DROSHA: variants seen among roughly 807,000 people sequenced by gnomAD.
The protein encoded by DROSHA is drosha ribonuclease III, also known as ribonuclease 3.
DROSHA carries 56 observed loss-of-function variants against 181.9 expected under a neutral mutation model. The observed-to-expected ratio is 0.31, with a 90% CI of 0.25 to 0.38. The LOEUF is 0.38. DROSHA is among the 10% of genes least tolerant of loss of function. The pLI, the probability that DROSHA is intolerant of heterozygous loss-of-function variation, is 1.00. For synonymous variants in DROSHA, 524 were observed against 591.2 expected (o/e 0.89, Z 1.65); for missense variants, 1,218 against 1,743.5 (o/e 0.70, Z 5.37).
intron 10 of DROSHA, among the ~76,000 whole-genome samples, chr5:31,507,829 G>A (rs956029159): frequency 1.3e-5 from 2 of 152,068 alleles, no homozygotes; most frequent in Non-Finnish European, 2.9e-5. Context: ...AAAATGCATT[G>A]GCAGTTCTGC....
At position 31,409,384 on chromosome 5, in the gene DROSHA, G is replaced by A. The variant is rs1741027909; in HGVS notation, c.3668-52C>T. 1 of 1,532,038 alleles carries A rather than the reference G, an allele frequency of 6.5e-7. No individual in the cohort carries two copies. The highest frequency in any genetic ancestry group is 8.8e-7 in the Non-Finnish European group (1 of 1,132,314). The allele number at this position is 1,532,038 out of a possible 1,614,324, so 94.9% of individuals were successfully genotyped here. A position where few individuals can be genotyped will look rare whatever the true frequency, so the allele number is the denominator to read the frequency against. On this transcript the variant is annotated intron_variant, in intron 31 of 35. Transcript: ENST00000344624. This position sits in a 1 kb window ranked among gnomAD's most constrained non-coding sequence, Gnocchi z 4.0. ...AAACCACAATCACTGCCATCTATCAGAAAGAGTAAGAGACCTAGACCTTTA... is the reference window on the plus strand; with the variant it reads ...AAACCACAATCACTGCCATCTATCAAAAAGAGTAAGAGACCTAGACCTTTA...
At chr5:31,422,456 T>C (rs1742877652) in intron 29 of DROSHA, among the ~76,000 whole-genome samples, 1 of 152,184 alleles carries the variant, frequency 6.6e-6, no homozygotes, top group Non-Finnish European at 1.5e-5. Flanking sequence ...TTGATGCTAC[T>C]ATGGCAGAGT....
In DROSHA at chr5:31,440,391, A is replaced by G. The variant is rs1745425392; in HGVS notation, c.2883-3093T>C. Among the ~76,000 whole-genome samples, 5 of 152,256 alleles carry G rather than the reference A, an allele frequency of 3.3e-5. No homozygotes were observed. In the South Asian group the frequency reaches 1.0e-3, roughly 31 times the overall value. ...TTCCATATATAGTAGAAAATTTAAA[A>G]TATTTGTAAATTATTCTTAGCTACA... On this transcript the variant is annotated intron_variant, in intron 23 of 35. Transcript: ENST00000344624.
At chr5:31,504,761 T>G in intron 10 of DROSHA, 126 bp from the exon 11 acceptor site, 12 of 917,828 alleles carry the variant, frequency 1.3e-5, no homozygotes, top group Non-Finnish European at 2.0e-5. Context: ...CTGTCACGGT[T>G]AGAAGATTAA....
intron 6 of DROSHA, 98 bp downstream of exon 6, chr5:31,521,025 G>A (rs986954669): frequency 1.1e-5 from 13 of 1,171,984 alleles, no homozygotes; most frequent in Non-Finnish European, 1.6e-5. Context: ...CAGACTCTGA[G>A]GCCATTATGA....
chr5:31,450,489 C>T (rs1274547395), intron 21 of DROSHA, among the ~76,000 whole-genome samples: 1 of 152,174 alleles, frequency 6.6e-6, no homozygotes, highest in Admixed American at 6.5e-5. Flanking sequence ...CCATGGAATA[C>T]TACCCAGCAA....
At chr5:31,478,884 A>G (rs1430768415) in intron 16 of DROSHA, among the ~76,000 whole-genome samples, 4 of 152,234 alleles carry the variant, frequency 2.6e-5, no homozygotes, top group Non-Finnish European at 1.5e-5. Flanking sequence ...TTTAAAATGT[A>G]CATACTATCT....
chr5:31,444,944 T>A (rs1746070978), intron 23 of DROSHA, among the ~76,000 whole-genome samples: 1 of 152,228 alleles, frequency 6.6e-6, no homozygotes, highest in South Asian at 2.1e-4. Context: ...GTCAATTTTT[T>A]AAAAACCTGA....
At chr5:31,439,778 G>C (rs1389220285) in intron 23 of DROSHA, among the ~76,000 whole-genome samples, 2 of 152,132 alleles carry the variant, frequency 1.3e-5, no homozygotes, top group Non-Finnish European at 2.9e-5. Context: ...TTCAAGGCTG[G>C]CTGCTGAAAG....
chr5:31,486,426 A>C, intron 14 of DROSHA, 65 bp downstream of exon 14: 6 of 1,534,730 alleles, frequency 3.9e-6, no homozygotes, highest in Non-Finnish European at 5.3e-6. Context: ...CAATGCTTTA[A>C]AATAGTAGTA....
At chr5:31,515,402 G>C in intron 7 of DROSHA, 52 bp downstream of exon 7, 1 of 1,070,340 alleles carries the variant, frequency 9.3e-7, no homozygotes. Context: ...ATCACCTGAA[G>C]TTTACTTGTT....
intron 16 of DROSHA, among the ~76,000 whole-genome samples, chr5:31,483,287 C>T (rs1751253391): frequency 6.6e-6 from 1 of 152,300 alleles, no homozygotes; most frequent in South Asian, 2.1e-4. Context: ...CATTTCTCCA[C>T]ATTAACACAC....
chr5:31,450,608 C>G (rs1156404442), intron 21 of DROSHA, among the ~76,000 whole-genome samples: 1 of 152,074 alleles, frequency 6.6e-6, no homozygotes, highest in East Asian at 1.9e-4. Flanking sequence ...TATTCTCACT[C>G]ACAAGTGGAA....
At chr5:31,480,880 G>C (rs1437654376) in intron 16 of DROSHA, among the ~76,000 whole-genome samples, 1 of 152,062 alleles carries the variant, frequency 6.6e-6, no homozygotes, top group Non-Finnish European at 1.5e-5. Context: ...AGATGGGAAA[G>C]GCAAAATGCT....
At chr5:31,421,543 T>A (rs1013457810) in intron 29 of DROSHA, among the ~76,000 whole-genome samples, 166 bp from the exon 30 acceptor site, 4 of 152,150 alleles carry the variant, frequency 2.6e-5, no homozygotes, top group East Asian at 3.9e-4. Flanking sequence ...TGAGAAGAGA[T>A]CTGAGTTAAT....
intron 20 of DROSHA, among the ~76,000 whole-genome samples, chr5:31,460,229 C>A (rs1327973454): frequency 6.6e-6 from 1 of 152,130 alleles, no homozygotes; most frequent in East Asian, 1.9e-4. Flanking sequence ...ACCCAGAATT[C>A]ACTCTAACAA....
intron 35 of DROSHA, among the ~76,000 whole-genome samples, chr5:31,405,000 CAAAACAA>C (rs1180335382): frequency 6.6e-6 from 1 of 151,910 alleles, no homozygotes; most frequent in African/African-American, 2.4e-5. Context: ...AAACAATGGC[CAAAACAA>C]AAAACAGAAA....
Position 31,515,216 on chromosome 5 carries a change from G to A in DROSHA, c.1062C>T (p.Arg354=), listed in dbSNP as rs779032953. 1.9e-6 allele frequency: 3 copies of A among 1,608,852 alleles called. No homozygotes were observed. In the Admixed American group the frequency reaches 5.1e-5, roughly 27 times the overall value. Residue 354 remains arginine (R), a synonymous_variant, in exon 8 of 36, where the codon CGC becomes CGT. Coordinates refer to ENST00000344624, the MANE Select transcript of DROSHA (RefSeq NM_001382508.1). Reference sequence around the variant, plus strand: ...CTCTCTTCTTCTCCCTACTTGGGGAGCGACTTCAAAAGAGGGCAAAGGAGG... The same window carrying A: ...CTCTCTTCTTCTCCCTACTTGGGGAACGACTTCAAAAGAGGGCAAAGGAGG... ...WAPPLEIVNH[R]SPSREKKRAR... is the part of the protein sequence containing the mutation.
intron 29 of DROSHA, among the ~76,000 whole-genome samples, chr5:31,422,333 T>C (rs969204752): frequency 2.0e-5 from 3 of 152,112 alleles, no homozygotes; most frequent in African/African-American, 7.2e-5. Flanking sequence ...CTTCAAATCA[T>C]TCATCTAGAG....
Sources: gnomAD v4.1 joint callset for allele counts (sites outside exome capture counted in the v4.1 genomes callset) on GRCh38, gnomAD v4.1.1 for gene constraint, Gnocchi (gnomAD v3.1) non-coding constraint, MANE v1.5 for transcripts, NCBI Gene and HGNC (gene_info 2026-07-23, HGNC 2026-07-21) for gene names.